Variants in CPNE4 observed in about 807,000 individuals in gnomAD.
The protein encoded by CPNE4 is copine-4.
In CPNE4, 25 loss-of-function variants were observed where a neutral mutation model predicts 67.9. The observed-to-expected ratio is 0.37, with a 90% CI of 0.27 to 0.51. The LOEUF (loss-of-function observed/expected upper bound fraction) is 0.51. Ranked by LOEUF, CPNE4 falls within the 20% of genes least tolerant of loss-of-function variation. The pLI is 0.93. For missense variants in CPNE4, 464 were observed against 690.8 expected, an observed-to-expected ratio of 0.67 and a Z score of 3.68; for synonymous variants, 242 against 244.9, an observed-to-expected ratio of 0.99 and a Z score of 0.11.
At chr3:131,814,318 C>T (rs2084645741) in intron 2 of CPNE4, among the ~76,000 whole-genome samples, 1 of 152,020 alleles carries the variant, frequency 6.6e-6, no homozygotes, top group Admixed American at 6.6e-5. Flanking sequence ...GCCACTATCT[C>T]GAACATTGGC....
intron 1 of CPNE4, among the ~76,000 whole-genome samples, chr3:131,976,857 A>G (rs2072670817): frequency 6.6e-6 from 1 of 150,982 alleles, no homozygotes; most frequent in South Asian, 2.1e-4. Context: ...GCTGGAGTGG[A>G]GTGGCACAAT....
chr3:131,696,496 C>G, intron 5 of CPNE4, 46 bp downstream of exon 5: 1 of 1,541,168 alleles, frequency 6.5e-7, no homozygotes, highest in Non-Finnish European at 9.0e-7. Context: ...AAACTGTGTG[C>G]TAGCTTTGTT....
intron 1 of CPNE4, among the ~76,000 whole-genome samples, chr3:131,932,747 G>A (rs2071104112): frequency 6.6e-6 from 1 of 151,728 alleles, no homozygotes; most frequent in Non-Finnish European, 1.5e-5. Flanking sequence ...GGCAAACACG[G>A]TGAAATAGCA....
chr3:131,547,496 AAAAAAC>A (rs1935934951), intron 14 of CPNE4, among the ~76,000 whole-genome samples: 3 of 108,548 alleles, frequency 2.8e-5, no homozygotes, highest in African/African-American at 7.5e-5. Context: ...AAAAAAAAAA[AAAAAAC>A]CTAATAGTGT....
At chr3:131,992,156 G>C (rs910498213) in intron 1 of CPNE4, among the ~76,000 whole-genome samples, 5 of 136,228 alleles carry the variant, frequency 3.7e-5, no homozygotes, top group Non-Finnish European at 6.7e-5. Context: ...TGTGAGAAGA[G>C]GGCCACCATC....
chr3:131,752,657 G>A (rs1373600209), intron 2 of CPNE4, among the ~76,000 whole-genome samples: 1 of 152,114 alleles, frequency 6.6e-6, no homozygotes. Context: ...AAAAGTACAT[G>A]TATTCCATAT....
At position 131,572,260 on chromosome 3, in the gene CPNE4, T is replaced by C. The variant is rs1582822155; in HGVS notation, c.927+2811A>G. 2.0e-5 allele frequency among the ~76,000 whole-genome samples: 3 copies of C among 152,018 alleles called. No homozygotes were observed. The East Asian group carries it at 5.8e-4, about 30-fold the overall frequency. ...TCCACTCAAAAGGTGATTGAGGAAG[T>C]TTAATAAAGGGACAATTCACAAACA... is the stretch of plus-strand genomic sequence containing the variant. On this transcript the variant is annotated intron_variant, in intron 10 of 15. Transcript: ENST00000429747.
At chr3:131,570,349 A>G (rs1355329611) in intron 10 of CPNE4, among the ~76,000 whole-genome samples, 1 of 150,596 alleles carries the variant, frequency 6.6e-6, no homozygotes, top group African/African-American at 2.5e-5. Context: ...AAAATTTTTT[A>G]TTATACTCTA....
At chr3:131,940,087 T>C (rs549165182) in intron 1 of CPNE4, among the ~76,000 whole-genome samples, 2 of 152,226 alleles carry the variant, frequency 1.3e-5, no homozygotes, top group African/African-American at 4.8e-5. Context: ...TCCTGGAAGC[T>C]GAGTATAAGT....
chr3:131,902,124 C>G (rs549606538), intron 2 of CPNE4, among the ~76,000 whole-genome samples: 1 of 152,044 alleles, frequency 6.6e-6, no homozygotes, highest in South Asian at 2.1e-4. Context: ...GTTAAGAGAG[C>G]AAAATTTGCT....
chr3:131,882,923 T>G (rs2087736707), intron 2 of CPNE4, among the ~76,000 whole-genome samples: 4 of 152,126 alleles, frequency 2.6e-5, no homozygotes, highest in African/African-American at 9.7e-5. Flanking sequence ...TTCACCATGT[T>G]AGCCAGGATG....
chr3:132,038,452 T>C (rs563733789), upstream of CPNE4, among the ~76,000 whole-genome samples: 1 of 152,330 alleles, frequency 6.6e-6, no homozygotes, highest in Non-Finnish European at 1.5e-5. Flanking sequence ...TCAAAATCTC[T>C]AGCTTTTCTT....
intron 2 of CPNE4, among the ~76,000 whole-genome samples, chr3:131,896,934 A>G (rs2088361658): frequency 6.6e-6 from 1 of 152,086 alleles, no homozygotes; most frequent in African/African-American, 2.4e-5. Context: ...AATTTTGGGA[A>G]TGATTAAGAG....
chr3:131,564,486 T>C, intron 10 of CPNE4, 137 bp from the exon 11 acceptor site: 1 of 797,024 alleles, frequency 1.3e-6, no homozygotes, highest in South Asian at 1.9e-5. Context: ...AGAAAGAGAA[T>C]AAACTAATTT....
chr3:131,787,995 A>G (rs1560311518), intron 2 of CPNE4, among the ~76,000 whole-genome samples: 2 of 152,186 alleles, frequency 1.3e-5, no homozygotes. Context: ...TGTATCATAC[A>G]TGCTTCAAAA....
chr3:131,931,775 C>T (rs937013841), intron 1 of CPNE4, among the ~76,000 whole-genome samples: 8 of 152,094 alleles, frequency 5.3e-5, no homozygotes, highest in Admixed American at 1.3e-4. Context: ...ACAAAGGGGT[C>T]GCACAACTGT....
chr3:131,775,927 G>A (rs1015863090), intron 2 of CPNE4, among the ~76,000 whole-genome samples: 1 of 152,146 alleles, frequency 6.6e-6, no homozygotes, highest in African/African-American at 2.4e-5. Context: ...CACAAGAAAT[G>A]CACCAGTTTA....
chr3:131,564,136 C>A, intron 11 of CPNE4, 80 bp downstream of exon 11: 1 of 1,562,376 alleles, frequency 6.4e-7, no homozygotes, highest in East Asian at 2.2e-5. Flanking sequence ...TTAATTTCCA[C>A]TTTCTGCCCA....
chr3:131,767,861 C>T (rs578069237), intron 2 of CPNE4, among the ~76,000 whole-genome samples: 147 of 151,830 alleles, frequency 9.7e-4, no homozygotes, highest in African/African-American at 3.5e-3. Flanking sequence ...ACCCTTACCA[C>T]ACAGAGCCTA....
Sources: gnomAD v4.1 joint callset for allele counts (sites outside exome capture counted in the v4.1 genomes callset) on GRCh38, gnomAD v4.1.1 for gene constraint, MANE v1.5 for transcripts, NCBI Gene and HGNC (gene_info 2026-07-23, HGNC 2026-07-21) for gene names.